Variants in UPRT observed in about 807,000 individuals in gnomAD.
UPRT encodes RP11-311P8.3.
Under a neutral mutation model 22.6 loss-of-function variants are expected in UPRT, and 5 were observed. That is an observed-to-expected ratio of 0.22 (90% confidence interval 0.12 to 0.47). UPRT has a LOEUF of 0.47. Ranked by LOEUF, UPRT falls within the 20% of genes least tolerant of loss-of-function variation. The pLI, the probability that UPRT is intolerant of heterozygous loss-of-function variation, is 0.99. For synonymous variants in UPRT, 77 were observed against 87.7 expected (o/e 0.88, Z 0.68); for missense variants, 181 against 239.9 (o/e 0.75, Z 1.62).
intron 4 of UPRT, among the ~76,000 whole-genome samples, chrX:75,228,990 T>A (rs1430906460): frequency 8.9e-6 from 1 of 112,119 alleles, no homozygotes; most frequent in Non-Finnish European, 1.9e-5. Flanking sequence ...GAATGTTGGT[T>A]GCCAGAGGCT....
intron 4 of UPRT, among the ~76,000 whole-genome samples, chrX:75,215,041 A>G (rs1169831100): frequency 8.9e-6 from 1 of 111,847 alleles, no homozygotes; most frequent in African/African-American, 3.3e-5. Context: ...AGGTAGTTTT[A>G]TGGCATAGAT....
At chrX:75,204,436 A>G (rs1016146718) in intron 4 of UPRT, among the ~76,000 whole-genome samples, 2 of 112,610 alleles carry the variant, frequency 1.8e-5, no homozygotes, top group African/African-American at 6.5e-5. Context: ...GCCACACAGG[A>G]AAAAAGACCA....
At chrX:75,190,282 C>T (rs1415579365) in intron 4 of UPRT, among the ~76,000 whole-genome samples, 1 of 111,759 alleles carries the variant, frequency 8.9e-6, no homozygotes, top group Admixed American at 9.5e-5. Context: ...AAATTCTTTT[C>T]CTTAAGAATG....
intron 4 of UPRT, among the ~76,000 whole-genome samples, chrX:75,268,465 T>G (rs1221193537): frequency 3.6e-5 from 4 of 110,814 alleles, no homozygotes; most frequent in Non-Finnish European, 7.6e-5. Context: ...AAACAGAAAA[T>G]TTCAGGCCAA....
intron 4 of UPRT, among the ~76,000 whole-genome samples, chrX:75,262,382 G>C (rs1462429645): frequency 9.0e-6 from 1 of 111,008 alleles, no homozygotes; most frequent in Non-Finnish European, 1.9e-5. Context: ...CAACTAATGG[G>C]CAAAATAACC....
chrX:75,164,240 C>T (rs1204142905), intron 3 of UPRT, among the ~76,000 whole-genome samples: 1 of 111,768 alleles, frequency 8.9e-6, no homozygotes, highest in Non-Finnish European at 1.9e-5. Flanking sequence ...CTAACATGCA[C>T]ACGCATGCTT....
intron 1 of UPRT, chrX:75,285,450 C>A (rs1023969171): frequency 1.8e-5 from 2 of 111,961 alleles, no homozygotes; most frequent in Non-Finnish European, 3.8e-5. Context: ...GGGGACCCAG[C>A]AAGCTTCCAG....
At chrX:75,287,395 A>G (rs2082686633) in intron 1 of UPRT, among the ~76,000 whole-genome samples, 1 of 111,599 alleles carries the variant, frequency 9.0e-6, no homozygotes, top group Non-Finnish European at 1.9e-5. Flanking sequence ...TCTTTTTCAT[A>G]TTTCTATATC....
chrX:75,260,396 G>T (rs1302283732), intron 4 of UPRT, among the ~76,000 whole-genome samples: 1 of 111,956 alleles, frequency 8.9e-6, no homozygotes, highest in African/African-American at 3.2e-5. Context: ...AAAATAAAGG[G>T]ATGGAGGAAG....
rs753875432 is a variant in UPRT at position 75,281,902 on chromosome X, T to C, written c.386+7262T>C. On this transcript the variant is annotated intron_variant, in intron 1 of 6. Transcript: ENST00000373383. ...GTGAATCTATCTGATCCTGGACTTT[T>C]TTTTTGTTGGTAATTTTTAAATTAC... Among the ~76,000 whole-genome samples the C allele has an allele frequency of 2.7e-5, 3 of 111,496 alleles. No individual in the cohort carries two copies. In the South Asian group the frequency reaches 1.1e-3, roughly 42 times the overall value.
At chrX:75,185,535 T>A in intron 4 of UPRT, among the ~76,000 whole-genome samples, 1 of 112,242 alleles carries the variant, frequency 8.9e-6, no homozygotes. Flanking sequence ...GCTGGCCTCA[T>A]AAAATGAGTT....
chrX:75,233,441 C>T (rs1733292877), intron 4 of UPRT, among the ~76,000 whole-genome samples: 4 of 110,652 alleles, frequency 3.6e-5, no homozygotes, highest in Admixed American at 9.7e-5. Flanking sequence ...GAGAATGCCA[C>T]AGAGATACTC....
chrX:75,243,509 C>T (rs1344132459), intron 4 of UPRT, among the ~76,000 whole-genome samples: 2 of 111,157 alleles, frequency 1.8e-5, no homozygotes, highest in African/African-American at 6.5e-5. Context: ...ATTAAGAGAA[C>T]GTAGATGAAA....
chrX:75,215,681 A>C (rs1462817519), intron 4 of UPRT, among the ~76,000 whole-genome samples: 1 of 111,616 alleles, frequency 9.0e-6, no homozygotes, highest in Non-Finnish European at 1.9e-5. Context: ...TAATTTGACT[A>C]GCCCTATATC....
intron 4 of UPRT, among the ~76,000 whole-genome samples, chrX:75,216,839 C>A (rs759173354): frequency 1.8e-5 from 2 of 112,233 alleles, no homozygotes; most frequent in Non-Finnish European, 3.8e-5. Context: ...ACTGCAAGCT[C>A]CGCCTCCTGG....
chrX:75,251,621 A>C (rs967601632), intron 4 of UPRT, among the ~76,000 whole-genome samples: 2 of 111,980 alleles, frequency 1.8e-5, no homozygotes, highest in Admixed American at 9.5e-5. Flanking sequence ...GAATGTCGTG[A>C]AAATGGCCAT....
At chrX:75,216,017 T>C (rs759046856) in intron 4 of UPRT, among the ~76,000 whole-genome samples, 1 of 111,719 alleles carries the variant, frequency 9.0e-6, no homozygotes, top group South Asian at 3.7e-4. Context: ...CTAATTCTTA[T>C]TATAAAGCCA....
intron 4 of UPRT, among the ~76,000 whole-genome samples, chrX:75,252,952 AAAC>A (rs1207172906): frequency 1.8e-5 from 2 of 111,643 alleles, no homozygotes; most frequent in African/African-American, 6.5e-5. Flanking sequence ...ACAAAAAACG[AAAC>A]ACCACATGTT....
intron 1 of UPRT, among the ~76,000 whole-genome samples, chrX:75,287,035 C>A (rs973545913): frequency 1.1e-4 from 12 of 111,144 alleles, no homozygotes; most frequent in Non-Finnish European, 1.7e-4. Flanking sequence ...ACATTAGGTA[C>A]CTCCTGTAAT....
Sources: allele counts gnomAD v4.1 joint callset (sites outside exome capture counted in the v4.1 genomes callset), GRCh38; gene constraint gnomAD v4.1.1; transcripts MANE v1.5; gene names NCBI Gene and HGNC (gene_info 2026-07-23, HGNC 2026-07-21).